WWC2: variants seen among roughly 807,000 people sequenced by gnomAD.
The protein encoded by WWC2 is protein WWC2.
Under a neutral mutation model 138.5 loss-of-function variants are expected in WWC2, and 101 were observed. The observed-to-expected ratio is 0.73, with a 90% CI of 0.62 to 0.86. The LOEUF (loss-of-function observed/expected upper bound fraction) is 0.86, where lower values mean the gene tolerates loss of function less well. Among genes scored for constraint, WWC2 ranks in the 40% least tolerant of loss-of-function variants. The pLI is 0.00. For synonymous variants in WWC2, 558 were observed against 538.4 expected (o/e 1.04, Z -0.50); for missense variants, 1,420 against 1,419.4 (o/e 1.00, Z -0.01).
intron 1 of WWC2, among the ~76,000 whole-genome samples, chr4:183,118,974 T>G (rs1254429847): frequency 6.6e-6 from 1 of 152,174 alleles, no homozygotes; most frequent in Non-Finnish European, 1.5e-5. Flanking sequence ...TTTACTTCAT[T>G]CTTAAAGACT....
intron 21 of WWC2, among the ~76,000 whole-genome samples, chr4:183,300,312 G>T (rs1738788429): frequency 6.6e-6 from 1 of 151,708 alleles, no homozygotes. Flanking sequence ...TTCCAGAGGA[G>T]CCTCGTGGTC....
At chr4:183,195,961 G>A (rs1027837021) in intron 2 of WWC2, among the ~76,000 whole-genome samples, 6 of 152,108 alleles carry the variant, frequency 3.9e-5, no homozygotes, top group Non-Finnish European at 8.8e-5. Context: ...TCGTGGGAGT[G>A]GATTTCTCCT....
intron 1 of WWC2, among the ~76,000 whole-genome samples, chr4:183,154,220 C>T (rs373138532): frequency 1.3e-5 from 2 of 152,096 alleles, no homozygotes; most frequent in African/African-American, 4.8e-5. Context: ...GCATTTGAAT[C>T]CTGGCTCTGC....
At chr4:183,300,059 C>T (rs1738777610) in intron 21 of WWC2, among the ~76,000 whole-genome samples, 1 of 152,186 alleles carries the variant, frequency 6.6e-6, no homozygotes, top group Admixed American at 6.5e-5. Flanking sequence ...GGAAGCAGAG[C>T]AAGAAGCTGA....
At chr4:183,159,095 T>A (rs6552643) in intron 1 of WWC2, among the ~76,000 whole-genome samples, 1 of 152,202 alleles carries the variant, frequency 6.6e-6, no homozygotes, top group East Asian at 1.9e-4. Context: ...ACCCATAAAA[T>A]GCAAAATTCT....
chr4:183,129,680 A>G (rs1036546400), intron 1 of WWC2, among the ~76,000 whole-genome samples: 3 of 152,188 alleles, frequency 2.0e-5, no homozygotes, highest in African/African-American at 4.8e-5. Flanking sequence ...GGTTAGATGA[A>G]TCGATTTGTA....
Position 183,280,229 on chromosome 4 carries a change from G to GTTTTTTTTTTTTTTTT in WWC2, c.2563-537_2563-522dup, listed in dbSNP as rs869235261. ...TTACTATTTTAGCCTGATAGCAGCT[G>GTTTTTTTTTTTTTTTT]TTTTTTTTTTTTTTTTTTTTTTTTT... On this transcript the variant is annotated intron_variant, in intron 16 of 22. Coordinates refer to ENST00000403733, the MANE Select transcript of WWC2 (RefSeq NM_024949.6). Among the ~76,000 whole-genome samples the GTTTTTTTTTTTTTTTT allele has an allele frequency of 4.3e-3, 280 of 65,474 alleles. 8 individuals carry two copies. Among genetic ancestry groups the GTTTTTTTTTTTTTTTT allele is most frequent in the Non-Finnish European group, 4.9e-3 (185 of 37,570 alleles). 43.0% of individuals were successfully genotyped at this position (65,474 alleles called of 152,430 possible).
intron 1 of WWC2, among the ~76,000 whole-genome samples, chr4:183,102,757 C>T (rs1476937734): frequency 6.6e-6 from 1 of 152,096 alleles, no homozygotes; most frequent in Non-Finnish European, 1.5e-5. Flanking sequence ...GCCCACTCCC[C>T]GAGTGTTATT....
intron 1 of WWC2, among the ~76,000 whole-genome samples, chr4:183,106,182 C>T (rs1288866833): frequency 6.6e-6 from 1 of 151,628 alleles, no homozygotes; most frequent in African/African-American, 2.4e-5. Flanking sequence ...TGGGGTTTCA[C>T]CATGTTGGCC....
intron 21 of WWC2, among the ~76,000 whole-genome samples, chr4:183,290,330 G>A (rs1041700386): frequency 3.9e-5 from 6 of 152,136 alleles, no homozygotes; most frequent in Middle Eastern, 3.4e-3. Flanking sequence ...GCCTGGCCAA[G>A]ATGCTGAAAC....
intron 21 of WWC2, among the ~76,000 whole-genome samples, chr4:183,304,189 T>C (rs886828755): frequency 3.9e-5 from 6 of 152,010 alleles, no homozygotes; most frequent in Non-Finnish European, 7.4e-5. Flanking sequence ...GCCCCCAGAA[T>C]TGGAGAGACA....
chr4:183,287,012 A>G (rs766752262), intron 20 of WWC2, among the ~76,000 whole-genome samples: 2 of 152,122 alleles, frequency 1.3e-5, no homozygotes, highest in African/African-American at 2.4e-5. Context: ...GGGAGCAGGG[A>G]CACACGGCAT....
intron 1 of WWC2, among the ~76,000 whole-genome samples, chr4:183,136,649 G>A (rs1733123607): frequency 2.0e-5 from 3 of 152,286 alleles, no homozygotes; most frequent in Admixed American, 2.0e-4. Flanking sequence ...CGTGGCCTGC[G>A]AACCGCATGT....
chr4:183,164,311 TTATATATACATATATATA>T (rs1734054795), intron 1 of WWC2, among the ~76,000 whole-genome samples: 9 of 582 alleles, frequency 0.015, no homozygotes, highest in African/African-American at 0.026. Context: ...CATATATATA[TTATATATACATATATATA>T]TATATATACA....
intron 1 of WWC2, among the ~76,000 whole-genome samples, chr4:183,106,034 C>T (rs1024338594): frequency 6.7e-6 from 1 of 149,778 alleles, no homozygotes; most frequent in Non-Finnish European, 1.5e-5. Flanking sequence ...GGCTGGGGTG[C>T]AGTGGTGTGA....
chr4:183,279,761 C>T (rs902784365), intron 16 of WWC2, among the ~76,000 whole-genome samples: 9 of 152,016 alleles, frequency 5.9e-5, no homozygotes, highest in African/African-American at 1.2e-4. Flanking sequence ...AGTTTATTTG[C>T]GTAGAGGTGT....
At chr4:183,180,391 TTTC>T (rs1318353411) in intron 1 of WWC2, among the ~76,000 whole-genome samples, 1 of 152,204 alleles carries the variant, frequency 6.6e-6, no homozygotes, top group African/African-American at 2.4e-5. Flanking sequence ...CTGACGTTTC[TTTC>T]TTCTTAGATG....
In WWC2 at chr4:183,193,672, C is replaced by G; in HGVS notation, c.205C>G (p.Pro69Ala). 1 of 1,613,686 alleles carries G rather than the reference C, an allele frequency of 6.2e-7. No homozygotes were observed. The highest frequency in any genetic ancestry group is 8.5e-7 in the Non-Finnish European group (1 of 1,179,840). ...GTGGGGATGGGAAGCAGGGTTTGAC[C>G]CTCAGATTGGTGTCTACTACATCGA... The part of the protein sequence containing the change: ...LPWGWEAGFD[P>A]QIGVYYIDHI... The change falls in exon 2 of 23, where the codon CCT becomes GCT. Residue 69 changes from proline to alanine, a missense_variant. Pro to Ala is a conservative substitution (Grantham distance 27). Coordinates refer to ENST00000403733, the MANE Select transcript of WWC2 (RefSeq NM_024949.6).
chr4:183,281,102 G>A (rs768853534), intron 17 of WWC2: 6 of 607,540 alleles, frequency 9.9e-6, no homozygotes, highest in African/African-American at 1.9e-5. Flanking sequence ...TAAAACATTA[G>A]CCAGATTCTT....
Sources: gnomAD v4.1 joint callset for allele counts (sites outside exome capture counted in the v4.1 genomes callset) on GRCh38, gnomAD v4.1.1 for gene constraint, MANE v1.5 for transcripts, NCBI Gene and HGNC (gene_info 2026-07-23, HGNC 2026-07-21) for gene names.